ANKDD1A: variants seen among roughly 807,000 people sequenced by gnomAD.
ANKDD1A encodes the protein ankyrin repeat and death domain-containing protein 1A.
Under a neutral mutation model 63.5 loss-of-function variants are expected in ANKDD1A, and 59 were observed. That is an observed-to-expected ratio of 0.93 (90% CI 0.75 to 1.15). ANKDD1A has a LOEUF of 1.15. Among genes scored for constraint, ANKDD1A ranks in the 50% most tolerant of loss-of-function variants. The pLI is 0.00. For missense variants in ANKDD1A, 632 were observed against 656.4 expected (o/e 0.96, Z 0.41); for synonymous variants, 266 against 263.9 (o/e 1.01, Z -0.08).
At chr15:64,941,224 A>G (rs1349664355) in intron 9 of ANKDD1A, among the ~76,000 whole-genome samples, 2 of 152,228 alleles carry the variant, frequency 1.3e-5, no homozygotes, top group Non-Finnish European at 2.9e-5. Context: ...CAATACAAGA[A>G]TGCTACTGAA....
At chr15:64,938,926 C>G (rs1426923784) in intron 9 of ANKDD1A, among the ~76,000 whole-genome samples, 5 of 133,494 alleles carry the variant, frequency 3.7e-5, no homozygotes. Flanking sequence ...GCCTGGGCAA[C>G]AGAGAGAGAC....
intron 8 of ANKDD1A, chr15:64,931,915 G>A: frequency 4.1e-6 from 2 of 486,488 alleles, no homozygotes; most frequent in Non-Finnish European, 7.3e-6. Context: ...ATTTTTTTGA[G>A]ATGGGTCTTA....
chr15:64,939,719 A>G (rs573760196), intron 9 of ANKDD1A, among the ~76,000 whole-genome samples: 8 of 152,358 alleles, frequency 5.3e-5, no homozygotes, highest in Admixed American at 3.9e-4. Context: ...TTTTTATTGA[A>G]GATGCAAAAG....
At chr15:64,939,501 G>C (rs546221585) in intron 9 of ANKDD1A, among the ~76,000 whole-genome samples, 3 of 152,166 alleles carry the variant, frequency 2.0e-5, no homozygotes, top group Non-Finnish European at 4.4e-5. Flanking sequence ...TGTAGTCCCT[G>C]TTCCTCCAGA....
chr15:64,951,680 C>G (rs1454996838), intron 14 of ANKDD1A, among the ~76,000 whole-genome samples: 2 of 5,310 alleles, frequency 3.8e-4, no homozygotes, highest in African/African-American at 4.5e-4. Context: ...TTCTTTCCTT[C>G]TTTCTTCTTC....
In ANKDD1A at chr15:64,944,690, C is replaced by T; in HGVS notation, c.1104C>T (p.Asn368=). Residue 368 remains asparagine, a synonymous_variant, in exon 12 of 15, where the codon AAC becomes AAT. Transcript: ENST00000319580. ...CCCTGGCAGTGGCCGTCCGCAGCAA[C>T]CATGTCAGCCTGGTGGACATGATCA... is the stretch of plus-strand genomic sequence containing the variant. The part of the protein sequence containing the change: ...KTALAVAVRS[N]HVSLVDMIIK... The T allele has an allele frequency of 6.2e-7, 1 of 1,614,106 alleles. No individual in the cohort carries two copies. Among genetic ancestry groups the T allele is most frequent in the South Asian group, 1.1e-5 (1 of 91,070 alleles).
chr15:64,951,720 C>CGTTCTTCCTTTCTTTTTTTTCTTT (rs1276132353), intron 14 of ANKDD1A, among the ~76,000 whole-genome samples: 2 of 136,252 alleles, frequency 1.5e-5, no homozygotes, highest in Non-Finnish European at 3.1e-5. Context: ...TCTTTTTCTT[C>CGTTCTTCCTTTCTTTTTTTTCTTT]CCTTTTCTTC....
intron 14 of ANKDD1A, among the ~76,000 whole-genome samples, chr15:64,953,043 CTTTCCTCTCTTT>C (rs1555366991): frequency 1.5e-4 from 3 of 20,670 alleles, no homozygotes; most frequent in East Asian, 0.024. Context: ...TTCCTTTCTT[CTTTCCTCTCTTT>C]TTTCTTCCTC....
intron 2 of ANKDD1A, 140 bp from the exon 3 acceptor site, chr15:64,917,245 TG>T: frequency 2.7e-6 from 3 of 1,105,574 alleles, no homozygotes; most frequent in Non-Finnish European, 3.7e-6. Flanking sequence ...AGAATGGGGC[TG>T]GGTCCCCAGC....
chr15:64,934,132 C>G lies in ANKDD1A; in HGVS notation c.769-4C>G, dbSNP rs375295537. On this transcript the variant is annotated splice_polypyrimidine_tract_variant and splice_region_variant and intron_variant, in intron 8 of 14. Transcript: ENST00000319580. The stretch of plus-strand genomic sequence containing the variant: ...ATAACGCATTGATGCCTGTTTCCTT[C>G]TAGAAAAACCTAAGCTGCCTTCACT... 3.7e-6 allele frequency: 6 copies of G among 1,604,016 alleles called. No individual in the cohort carries two copies. The highest frequency in any genetic ancestry group is 5.1e-6 in the Non-Finnish European group (6 of 1,173,530).
rs1456882088 is a variant in ANKDD1A, at chr15:64,952,408, TCTTCTC to T, written c.1483+2442_1483+2447del. On this transcript the variant is annotated intron_variant, in intron 14 of 14. Coordinates refer to ENST00000319580, the MANE Select transcript of ANKDD1A (RefSeq NM_182703.6). ...TTCTTTTCTTCTTCCTCCTTCTTCT[TCTTCTC>T]CTTCTTAGTTTTCTTCTCCTCCTCC... 7.4e-3 allele frequency among the ~76,000 whole-genome samples: 22 copies of T among 2,980 alleles called. No homozygotes were observed. In the Non-Finnish European group the frequency reaches 0.094, roughly 13 times the overall value. The allele number at this position is 2,980 out of a possible 152,430, so 2.0% of individuals were successfully genotyped here.
intron 14 of ANKDD1A, chr15:64,950,745 C>A (rs1015628668): frequency 4.4e-6 from 4 of 915,682 alleles, no homozygotes; most frequent in Middle Eastern, 5.5e-4. Context: ...CCCCCCCCCC[C>A]CCCCCATAGC....
In ANKDD1A at chr15:64,947,412, C is replaced by T. The variant is rs1328397707; in HGVS notation, c.1170C>T (p.Pro390=). ...DRFYRWEKDH[P]SDPSGKSLSF... is the part of the protein sequence containing the mutation. Reference sequence around the variant, plus strand: ...TGGGATCTGCCCCACAGGACCACCCCAGTGATCCCTCTGGGAAGAGCTTGT... The same window carrying T: ...TGGGATCTGCCCCACAGGACCACCCTAGTGATCCCTCTGGGAAGAGCTTGT... The change falls in exon 13 of 15, where the codon CCC becomes CCT. Residue 390 remains proline, a synonymous_variant. Coordinates refer to ENST00000319580, the MANE Select transcript of ANKDD1A (RefSeq NM_182703.6). 1.9e-6 allele frequency: 3 copies of T among 1,612,746 alleles called. No homozygotes were observed. The highest frequency in any genetic ancestry group is 2.5e-6 in the Non-Finnish European group (3 of 1,178,912).
intron 14 of ANKDD1A, among the ~76,000 whole-genome samples, chr15:64,952,654 T>TCTCCTCCTCCTC (rs1595859456): frequency 5.3e-5 from 8 of 150,670 alleles, no homozygotes; most frequent in African/African-American, 7.3e-5. Context: ...TCCTTCTCCT[T>TCTCCTCCTCCTC]CTTCTTCCCC....
chr15:64,929,461 GCCCAGCAGGGAGA>G (rs2085071807), intron 6 of ANKDD1A, among the ~76,000 whole-genome samples: 1 of 152,172 alleles, frequency 6.6e-6, no homozygotes, highest in Non-Finnish European at 1.5e-5. Flanking sequence ...GAGGTACCAT[GCCCAGCAGGGAGA>G]TCCCTTTAAA....
chr15:64,939,628 C>CA (rs753538271), intron 9 of ANKDD1A, among the ~76,000 whole-genome samples: 35 of 151,696 alleles, frequency 2.3e-4, no homozygotes, highest in Non-Finnish European at 3.2e-4. Flanking sequence ...AAATAAAAAG[C>CA]AAAAAAAATA....
In ANKDD1A at chr15:64,921,657, G is replaced by C. The variant is rs148652508; in HGVS notation, c.268-264G>C. On this transcript the variant is annotated intron_variant, in intron 3 of 14. Coordinates refer to ENST00000319580, the MANE Select transcript of ANKDD1A (RefSeq NM_182703.6). The stretch of plus-strand genomic sequence containing the variant: ...CCCAAAGTGCTGGGATTACAGGCGT[G>C]AGCCACCAAGCCTGGCCGGCAGCTG... Among the ~76,000 whole-genome samples, 1,109 of 152,222 alleles carry C rather than the reference G, an allele frequency of 7.3e-3. 18 individuals are homozygous for C. The highest frequency in any genetic ancestry group is 0.025 in the African/African-American group (1,052 of 41,530).
At chr15:64,956,500 C>T (rs1193068270) in intron 14 of ANKDD1A, among the ~76,000 whole-genome samples, 1 of 152,064 alleles carries the variant, frequency 6.6e-6, no homozygotes. Flanking sequence ...TTGCAGTGAG[C>T]CGAGACTGTG....
chr15:64,952,796 T>TCTCC (rs1595859596), intron 14 of ANKDD1A, among the ~76,000 whole-genome samples: 3 of 127,416 alleles, frequency 2.4e-5, no homozygotes, highest in Non-Finnish European at 3.4e-5. Context: ...TCCTTCTTCT[T>TCTCC]TTCTTCTCCT....
Sources: allele counts gnomAD v4.1 joint callset (sites outside exome capture counted in the v4.1 genomes callset), GRCh38; gene constraint gnomAD v4.1.1; transcripts MANE v1.5; gene names NCBI Gene and HGNC (gene_info 2026-07-23, HGNC 2026-07-21).